Variants in ADAMTS6 observed in about 807,000 individuals in gnomAD.
ADAMTS6 encodes the protein ADAM metallopeptidase with thrombospondin type 1 motif 6.
ADAMTS6 carries 23 observed loss-of-function variants against 144.3 expected under a neutral mutation model. The ratio of observed to expected loss-of-function variants is 0.16; its 90% CI spans 0.11 to 0.23. The LOEUF is 0.23. Ranked by LOEUF, ADAMTS6 falls within the 10% of genes least tolerant of loss-of-function variation. The pLI is 1.00. For synonymous variants in ADAMTS6, 444 were observed against 457.5 expected (o/e 0.97, Z 0.38); for missense variants, 999 against 1,379.6 (o/e 0.72, Z 4.37).
At chr5:65,179,506 G>A (rs1754200262) in intron 22 of ADAMTS6, among the ~76,000 whole-genome samples, 1 of 152,212 alleles carries the variant, frequency 6.6e-6, no homozygotes, top group Non-Finnish European at 1.5e-5. Context: ...TACCTGTGCT[G>A]TCATTAATAG....
intron 1 of ADAMTS6, among the ~76,000 whole-genome samples, chr5:65,478,803 T>C (rs901355371): frequency 1.1e-4 from 17 of 152,230 alleles, no homozygotes; most frequent in African/African-American, 4.1e-4. Context: ...TCACTTTGAT[T>C]TCACATATGC....
chr5:65,265,889 A>C (rs1351466369), intron 12 of ADAMTS6, among the ~76,000 whole-genome samples: 1 of 151,946 alleles, frequency 6.6e-6, no homozygotes, highest in Non-Finnish European at 1.5e-5. Context: ...TTAGTGGTAA[A>C]AAAAAATCCA....
At chr5:65,163,979 T>G (rs1202256313) in intron 24 of ADAMTS6, among the ~76,000 whole-genome samples, 2 of 152,146 alleles carry the variant, frequency 1.3e-5, no homozygotes, top group Non-Finnish European at 2.9e-5. Context: ...GCATCTGCTG[T>G]TAATAAAGGG....
chr5:65,167,567 A>G (rs1162841247), intron 24 of ADAMTS6, among the ~76,000 whole-genome samples: 1 of 143,732 alleles, frequency 7.0e-6, no homozygotes, highest in East Asian at 2.1e-4. Context: ...AAAGCCGGGC[A>G]GAGACACAAC....
chr5:65,397,514 T>C (rs538412181), intron 7 of ADAMTS6, among the ~76,000 whole-genome samples: 3 of 152,174 alleles, frequency 2.0e-5, no homozygotes, highest in Non-Finnish European at 2.9e-5. Context: ...TATGTTTTCA[T>C]TTCATTTAGT....
intron 7 of ADAMTS6, among the ~76,000 whole-genome samples, chr5:65,393,685 C>CT (rs1245889101): frequency 6.6e-6 from 1 of 152,100 alleles, no homozygotes; most frequent in Non-Finnish European, 1.5e-5. Flanking sequence ...AGTAGCAATG[C>CT]TTTTTTTCTA....
intron 3 of ADAMTS6, among the ~76,000 whole-genome samples, chr5:65,460,681 T>C (rs1759581645): frequency 6.6e-6 from 1 of 152,186 alleles, no homozygotes; most frequent in Non-Finnish European, 1.5e-5. Context: ...GTCCTCTGTG[T>C]TTAGATATAG....
At chr5:65,348,956 C>T (rs541361481) in intron 7 of ADAMTS6, among the ~76,000 whole-genome samples, 10 of 151,986 alleles carry the variant, frequency 6.6e-5, no homozygotes, top group African/African-American at 1.9e-4. Flanking sequence ...AATATGAAGA[C>T]GGTTTATACA....
At position 65,393,444 on chromosome 5, in the gene ADAMTS6, C is replaced by T. The variant is rs570459889; in HGVS notation, c.1073+58031G>A. Among the ~76,000 whole-genome samples the T allele has an allele frequency of 3.1e-3, 469 of 152,308 alleles. 2 individuals are homozygous for T. The highest frequency in any genetic ancestry group is 0.01 in the African/African-American group (430 of 41,566). On this transcript the variant is annotated intron_variant, in intron 7 of 24. Transcript: ENST00000381055. Reference sequence around the variant, plus strand: ...ATAATTTTAACACTATGACCTAGCTCTCATCATTTCTCCAAATGGCTGAAT... The same window carrying T: ...ATAATTTTAACACTATGACCTAGCTTTCATCATTTCTCCAAATGGCTGAAT...
At chr5:65,452,338 C>T in intron 5 of ADAMTS6, 122 bp from the exon 6 acceptor site, 1 of 721,476 alleles carries the variant, frequency 1.4e-6, no homozygotes, top group Non-Finnish European at 2.3e-6. Context: ...TACCCCATAT[C>T]ACTTAGAACT....
At chr5:65,394,627 C>T (rs1000287864) in intron 7 of ADAMTS6, among the ~76,000 whole-genome samples, 1 of 152,182 alleles carries the variant, frequency 6.6e-6, no homozygotes, top group Non-Finnish European at 1.5e-5. Context: ...TGAATGTTCA[C>T]TTAATTCTCA....
rs62369569 is a variant in ADAMTS6 at position 65,208,257 on chromosome 5, C to T, written c.2575+6537G>A. ...AGTTTCAAAAGCAGTACTTCTCAACCGGGGCTGTATGTTAGAATTACCTAT... is the reference window on the plus strand; with the variant it reads ...AGTTTCAAAAGCAGTACTTCTCAACTGGGGCTGTATGTTAGAATTACCTAT... On this transcript the variant is annotated intron_variant, in intron 20 of 24. Transcript: ENST00000381055. 1.9e-4 allele frequency among the ~76,000 whole-genome samples: 29 copies of T among 152,256 alleles called. No homozygotes were observed. The South Asian group carries it at 5.4e-3, about 28-fold the overall frequency.
At chr5:65,357,830 C>G (rs1422067369) in intron 7 of ADAMTS6, among the ~76,000 whole-genome samples, 1 of 151,560 alleles carries the variant, frequency 6.6e-6, no homozygotes, top group East Asian at 1.9e-4. Context: ...AAAAGGAGAT[C>G]AAATCAGTAA....
chr5:65,478,258 T>G (rs995270785), intron 1 of ADAMTS6, among the ~76,000 whole-genome samples: 3 of 152,220 alleles, frequency 2.0e-5, no homozygotes, highest in Non-Finnish European at 1.5e-5. Flanking sequence ...GTGGGGAGGT[T>G]AATCTGGACA....
chr5:65,459,677 T>C (rs190434772), intron 4 of ADAMTS6, among the ~76,000 whole-genome samples: 70 of 152,320 alleles, frequency 4.6e-4, no homozygotes, highest in African/African-American at 1.7e-3. Context: ...TAGAAGTCAC[T>C]TCTTCCATGA....
chr5:65,177,974 G>C (rs1287939079), intron 22 of ADAMTS6, among the ~76,000 whole-genome samples: 3 of 152,146 alleles, frequency 2.0e-5, no homozygotes. Flanking sequence ...GTCCCCGAGG[G>C]CCATCCAGCC....
chr5:65,185,236 A>T (rs1360220441), intron 22 of ADAMTS6, among the ~76,000 whole-genome samples: 3 of 152,202 alleles, frequency 2.0e-5, no homozygotes, highest in Non-Finnish European at 2.9e-5. Flanking sequence ...ACTTATTGTT[A>T]ACCCATCTAG....
chr5:65,310,630 T>C (rs552295281), intron 9 of ADAMTS6, among the ~76,000 whole-genome samples: 27 of 152,338 alleles, frequency 1.8e-4, no homozygotes, highest in Non-Finnish European at 3.1e-4. Context: ...CACTAAATCA[T>C]TGTCTGTGAA....
intron 7 of ADAMTS6, among the ~76,000 whole-genome samples, chr5:65,338,336 T>C (rs914192151): frequency 6.6e-6 from 1 of 152,254 alleles, no homozygotes; most frequent in African/African-American, 2.4e-5. Flanking sequence ...TCTTTTACCC[T>C]AAATTCATAA....
Sources: gnomAD v4.1 joint callset for allele counts (sites outside exome capture counted in the v4.1 genomes callset) on GRCh38, gnomAD v4.1.1 for gene constraint, MANE v1.5 for transcripts, NCBI Gene and HGNC (gene_info 2026-07-23, HGNC 2026-07-21) for gene names.